The following KCNJ6 variants were observed in gnomAD, a reference collection of about 807,000 sequenced individuals.
The protein encoded by KCNJ6 is G protein-activated inward rectifier potassium channel 2.
In KCNJ6, 9 loss-of-function variants were observed where a neutral mutation model predicts 34.2. The observed-to-expected ratio is 0.26, with a 90% confidence interval of 0.16 to 0.46. KCNJ6 has a LOEUF of 0.46. Among genes scored for constraint, KCNJ6 ranks in the 20% least tolerant of loss-of-function variants. The pLI is 1.00. For synonymous variants in KCNJ6, 196 were observed against 207.1 expected (o/e 0.95, Z 0.46); for missense variants, 236 against 531.3 (o/e 0.44, Z 5.46).
intron 3 of KCNJ6, among the ~76,000 whole-genome samples, chr21:37,641,294 A>C (rs1043429163): frequency 2.0e-5 from 3 of 152,162 alleles, no homozygotes; most frequent in African/African-American, 7.2e-5. Flanking sequence ...AGCTGGTAAT[A>C]ATTTCATTTA....
chr21:37,750,787 G>C (rs1278976059), intron 2 of KCNJ6, among the ~76,000 whole-genome samples: 8 of 152,162 alleles, frequency 5.3e-5, no homozygotes, highest in Admixed American at 5.2e-4. Flanking sequence ...TAGATGACGG[G>C]TTGATGGGTG....
At chr21:37,707,169 C>T (rs2054724490) in intron 3 of KCNJ6, among the ~76,000 whole-genome samples, 1 of 152,222 alleles carries the variant, frequency 6.6e-6, no homozygotes, top group South Asian at 2.1e-4. Flanking sequence ...ACTGTGTGGC[C>T]TGGTGCTCAC....
chr21:37,837,673 C>T (rs1426736258), intron 2 of KCNJ6, among the ~76,000 whole-genome samples: 1 of 150,748 alleles, frequency 6.6e-6, no homozygotes, highest in East Asian at 1.9e-4. Flanking sequence ...TTTGGAAACC[C>T]ATTCATAGCA....
In KCNJ6 at chr21:37,614,545, CGTGT is replaced by C. The variant is rs541422943; in HGVS notation, c.*10610_*10613del. 28 of 101,114 alleles carry C rather than the reference CGTGT, an allele frequency of 2.8e-4. No homozygotes were observed. Among genetic ancestry groups the C allele is most frequent in the Admixed American group, 1.9e-3 (17 of 8,962 alleles). The allele number at this position is 101,114 out of a possible 1,614,324, so 6.3% of individuals were successfully genotyped here. A position where few individuals can be genotyped will look rare whatever the true frequency, so the allele number is the denominator to read the frequency against. ...GTGTGTATGCATGTCTCTGTGTATG[CGTGT>C]GTGTGTATGCGTGTGTGTATGCATG... On this transcript the variant is annotated 3_prime_UTR_variant, in exon 4 of 4. Transcript: ENST00000609713.
intron 2 of KCNJ6, among the ~76,000 whole-genome samples, chr21:37,754,001 A>G (rs2055010853): frequency 6.6e-6 from 1 of 152,192 alleles, no homozygotes; most frequent in Admixed American, 6.5e-5. Context: ...TGGGGTCTGA[A>G]ATCAAAGACA....
chr21:37,795,096 T>G (rs898486518), intron 2 of KCNJ6, among the ~76,000 whole-genome samples: 6 of 152,198 alleles, frequency 3.9e-5, no homozygotes, highest in African/African-American at 1.4e-4. Context: ...GTTAGTTTAA[T>G]GTATATTCAT....
At chr21:37,868,346 A>G (rs2055633463) in intron 1 of KCNJ6, among the ~76,000 whole-genome samples, 1 of 152,238 alleles carries the variant, frequency 6.6e-6, no homozygotes, top group Non-Finnish European at 1.5e-5. Context: ...ATTCTCCAGA[A>G]AGCCTTTTTA....
chr21:37,731,042 T>C (rs1001094756), intron 2 of KCNJ6, among the ~76,000 whole-genome samples: 20 of 152,114 alleles, frequency 1.3e-4, no homozygotes, highest in African/African-American at 4.6e-4. Flanking sequence ...CTCCATCAAG[T>C]TGGTCCCATT....
Position 37,618,900 on chromosome 21 carries a change from A to C in KCNJ6, c.*6259T>G, listed in dbSNP as rs1393967340. On this transcript the variant is annotated 3_prime_UTR_variant, in exon 4 of 4. Coordinates refer to ENST00000609713, the MANE Select transcript of KCNJ6 (RefSeq NM_002240.5). Reference sequence around the variant, plus strand: ...TTTACCAAGGCAATGAGGCCAAGTAAAAGTTTGACTCCTTTTACATTTATT... The same window carrying C: ...TTTACCAAGGCAATGAGGCCAAGTACAAGTTTGACTCCTTTTACATTTATT... 1.3e-5 allele frequency: 2 copies of C among 152,222 alleles called. No individual in the cohort carries two copies. The allele number at this position is 152,222 out of a possible 1,614,324, so 9.4% of individuals were successfully genotyped here. A position where few individuals can be genotyped will look rare whatever the true frequency, so the allele number is the denominator to read the frequency against.
At chr21:37,655,218 TGTGTGTGAGAGAGAGA>T (rs2054455136) in intron 3 of KCNJ6, among the ~76,000 whole-genome samples, 6 of 13,944 alleles carry the variant, frequency 4.3e-4, no homozygotes, top group East Asian at 5.7e-3. Flanking sequence ...TGTGTGTGTG[TGTGTGTGAGAGAGAGA>T]GAGAGAGAGA....
rs538586566 is a variant in KCNJ6, at chr21:37,733,770, A to T, written c.26-18639T>A. On this transcript the variant is annotated intron_variant, in intron 2 of 3. Coordinates refer to ENST00000609713, the MANE Select transcript of KCNJ6 (RefSeq NM_002240.5). ...GCAGGTTTCGGTTGATGGGAGCGCA[A>T]TGTCTCCCTGTATGGTCACATACAC... Among the ~76,000 whole-genome samples, 5 of 152,240 alleles carry T rather than the reference A, an allele frequency of 3.3e-5. No homozygotes were observed. In the East Asian group the frequency reaches 9.6e-4, roughly 29 times the overall value.
intron 3 of KCNJ6, among the ~76,000 whole-genome samples, chr21:37,629,977 T>C (rs2054326714): frequency 1.3e-5 from 2 of 152,220 alleles, no homozygotes; most frequent in African/African-American, 4.8e-5. Context: ...CTGGGGTAAA[T>C]TGATAATTTT....
Position 37,708,635 on chromosome 21 carries a change from T to G in KCNJ6, c.946+5576A>C, listed in dbSNP as rs530845367. Among the ~76,000 whole-genome samples, 13 of 152,300 alleles carry G rather than the reference T, an allele frequency of 8.5e-5. No homozygotes were observed. In the South Asian group the frequency reaches 2.7e-3, roughly 32 times the overall value. ...AGATTCCTCCAGGAAGATGCCTCTA[T>G]GAAGAGTTTTACCCAAGTTCTTAGC... On this transcript the variant is annotated intron_variant, in intron 3 of 3. Coordinates refer to ENST00000609713, the MANE Select transcript of KCNJ6 (RefSeq NM_002240.5).
chr21:37,743,169 A>G (rs2054949616), intron 2 of KCNJ6, among the ~76,000 whole-genome samples: 1 of 152,096 alleles, frequency 6.6e-6, no homozygotes, highest in Non-Finnish European at 1.5e-5. Context: ...CAGACCCTCA[A>G]TCTTCAAGGT....
At chr21:37,871,006 A>G (rs1490525310) in intron 1 of KCNJ6, among the ~76,000 whole-genome samples, 1 of 152,084 alleles carries the variant, frequency 6.6e-6, no homozygotes, top group Non-Finnish European at 1.5e-5. Context: ...TTTGGCCACA[A>G]TCATGCATTT....
intron 3 of KCNJ6, among the ~76,000 whole-genome samples, chr21:37,660,475 G>A (rs1344278998): frequency 6.6e-6 from 1 of 152,182 alleles, no homozygotes; most frequent in Non-Finnish European, 1.5e-5. Flanking sequence ...CATTTGAGTT[G>A]TAGAGTGGGC....
At position 37,733,520 on chromosome 21, in the gene KCNJ6, C is replaced by T. The variant is rs117262205; in HGVS notation, c.26-18389G>A. 4.5e-3 allele frequency among the ~76,000 whole-genome samples: 686 copies of T among 152,320 alleles called. 3 individuals carry two copies. Among genetic ancestry groups the T allele is most frequent in the Non-Finnish European group, 8.0e-3 (541 of 68,036 alleles). On this transcript the variant is annotated intron_variant, in intron 2 of 3. Transcript: ENST00000609713. ...TGTTCTTTGGCCAGTGGCCAAACATCTCCGCATCTCAGCATCTTTCTTCTA... is the reference window on the plus strand; with the variant it reads ...TGTTCTTTGGCCAGTGGCCAAACATTTCCGCATCTCAGCATCTTTCTTCTA...
rs145543410 is a variant in KCNJ6, at chr21:37,668,721, A to T, written c.947-43237T>A. Reference sequence around the variant, plus strand: ...GCCTGCACGGCCTCTGAGCTTCTCCACTTTCTTACTCATCTGAACTTTGGG... The same window carrying T: ...GCCTGCACGGCCTCTGAGCTTCTCCTCTTTCTTACTCATCTGAACTTTGGG... On this transcript the variant is annotated intron_variant, in intron 3 of 3. Coordinates refer to ENST00000609713, the MANE Select transcript of KCNJ6 (RefSeq NM_002240.5). 1.9e-3 allele frequency among the ~76,000 whole-genome samples: 282 copies of T among 152,254 alleles called. 1 individual carries two copies. Among genetic ancestry groups the T allele is most frequent in the Middle Eastern group, 6.8e-3 (2 of 294 alleles).
rs2054248121 is a variant in KCNJ6 at position 37,612,950 on chromosome 21, T to C, written c.*12209A>G. 1 of 151,946 alleles carries C rather than the reference T, an allele frequency of 6.6e-6. No homozygotes were observed. Among genetic ancestry groups the C allele is most frequent in the Admixed American group, 6.6e-5 (1 of 15,252 alleles). The allele number at this position is 151,946 out of a possible 1,614,324, so 9.4% of individuals were successfully genotyped here. A position where few individuals can be genotyped will look rare whatever the true frequency, so the allele number is the denominator to read the frequency against. On this transcript the variant is annotated 3_prime_UTR_variant, in exon 4 of 4. Transcript: ENST00000609713. Reference sequence around the variant, plus strand: ...AAGTAAATGATAAGCTGAACTTCAGTAAAATTAAAAGCGTCTGCTCTGAAA... The same window carrying C: ...AAGTAAATGATAAGCTGAACTTCAGCAAAATTAAAAGCGTCTGCTCTGAAA...
Sources: gnomAD v4.1 joint callset for allele counts (sites outside exome capture counted in the v4.1 genomes callset) on GRCh38, gnomAD v4.1.1 for gene constraint, MANE v1.5 for transcripts, NCBI Gene and HGNC (gene_info 2026-07-23, HGNC 2026-07-21) for gene names.